CAPN9: variants seen among roughly 807,000 people sequenced by gnomAD.
CAPN9 encodes the protein calpain-9.
Under a neutral mutation model 92.8 loss-of-function variants are expected in CAPN9, and 81 were observed. The observed-to-expected ratio is 0.87, with a 90% CI of 0.73 to 1.05. The LOEUF is 1.05. Ranked by LOEUF, CAPN9 falls within the 50% of genes least tolerant of loss-of-function variation. The pLI, the probability that CAPN9 is intolerant of heterozygous loss-of-function variation, is 0.00. For synonymous variants in CAPN9, 304 were observed against 328.0 expected (o/e 0.93, Z 0.79); for missense variants, 848 against 866.2 (o/e 0.98, Z 0.26).
At chr1:230,786,117 A>T (rs1332368502) in intron 12 of CAPN9, 100 bp downstream of exon 12, 2 of 1,604,450 alleles carry the variant, frequency 1.2e-6, no homozygotes, top group African/African-American at 2.7e-5. Context: ...CAGTTCAGGG[A>T]TGGTTACATG....
At chr1:230,750,399 G>A (rs1465243177) in intron 1 of CAPN9, among the ~76,000 whole-genome samples, 5 of 152,118 alleles carry the variant, frequency 3.3e-5, no homozygotes, top group South Asian at 4.1e-4. Flanking sequence ...CTTTGGTCTG[G>A]TCCTCATTCT....
intron 12 of CAPN9, among the ~76,000 whole-genome samples, chr1:230,786,422 A>G (rs983098046): frequency 2.6e-5 from 4 of 152,264 alleles, no homozygotes; most frequent in Admixed American, 6.5e-5. Flanking sequence ...TTTTTAAAGA[A>G]AAAATGAGAA....
intron 8 of CAPN9, among the ~76,000 whole-genome samples, chr1:230,777,195 T>G (rs7540654): frequency 0.15 from 23,527 of 152,150 alleles, 2,028 homozygotes; most frequent in South Asian, 0.28. Flanking sequence ...AAAGAAGGTC[T>G]GGTGCAGACG....
Position 230,801,751 on chromosome 1 carries a change from T to C in CAPN9, c.*155T>C, listed in dbSNP as rs1668739005. The C allele has an allele frequency of 1.4e-6, 1 of 737,250 alleles. No homozygotes were observed. The highest frequency in any genetic ancestry group is 2.4e-6 in the Non-Finnish European group (1 of 410,928). 45.7% of individuals were successfully genotyped at this position (737,250 alleles called of 1,614,324 possible). A position where few individuals can be genotyped will look rare whatever the true frequency, so the allele number is the denominator to read the frequency against. On this transcript the variant is annotated 3_prime_UTR_variant, in exon 20 of 20. Coordinates refer to ENST00000271971, the MANE Select transcript of CAPN9 (RefSeq NM_006615.3). Reference sequence around the variant, plus strand: ...TCATCTTGATCTGGGAAGAATGAAATGAACTCAGCTACACTCTCTGATTTT... The same window carrying C: ...TCATCTTGATCTGGGAAGAATGAAACGAACTCAGCTACACTCTCTGATTTT...
In CAPN9 at chr1:230,785,982, G is replaced by C. The variant is rs771333487; in HGVS notation, c.1483G>C (p.Asp495His). Residue 495 changes from aspartate to histidine, a missense_variant and splice_region_variant, in exon 12 of 20, where the codon GAT becomes CAT. Asp to His is a moderately conservative substitution (Grantham distance 81). Coordinates refer to ENST00000271971, the MANE Select transcript of CAPN9 (RefSeq NM_006615.3). ...CAGTGTGTTTTTCTGCCCCTACAGG[G>C]ATATGGATGGAAATGTAGACATTGA... Reference protein sequence around the residue: ...IFSEKKAITRDMDGNVDIDLP... With the variant: ...IFSEKKAITRHMDGNVDIDLP... 5.1e-5 allele frequency: 82 copies of C among 1,613,890 alleles called. No homozygotes were observed. Among genetic ancestry groups the C allele is most frequent in the Non-Finnish European group, 6.8e-5 (80 of 1,179,864 alleles).
At chr1:230,774,739 CTTT>C (rs747512464) in intron 8 of CAPN9, 108 bp downstream of exon 8, 16,101 of 377,666 alleles carry the variant, frequency 0.043, 208 homozygotes, top group African/African-American at 0.13. Context: ...TTCTTTCTTT[CTTT>C]TTTTTTTTTT....
chr1:230,789,606 C>T (rs1289709810), intron 13 of CAPN9, among the ~76,000 whole-genome samples: 1 of 151,052 alleles, frequency 6.6e-6, no homozygotes, highest in Non-Finnish European at 1.5e-5. Flanking sequence ...TTCTGAAATT[C>T]ACCCTTATTC....
intron 12 of CAPN9, among the ~76,000 whole-genome samples, chr1:230,787,291 T>C (rs1040727793): frequency 6.6e-6 from 1 of 152,186 alleles, no homozygotes; most frequent in African/African-American, 2.4e-5. Context: ...CCTCCTCGTC[T>C]GTAAGGCAGA....
intron 8 of CAPN9, 56 bp downstream of exon 8, chr1:230,774,687 G>A (rs1666623213): frequency 1.7e-6 from 2 of 1,148,680 alleles, no homozygotes; most frequent in Non-Finnish European, 2.6e-6. Context: ...ATGGCCCTGG[G>A]GCGTAAGGAG....
intron 7 of CAPN9, among the ~76,000 whole-genome samples, chr1:230,774,022 C>T (rs1008757714): frequency 5.9e-5 from 9 of 152,196 alleles, no homozygotes; most frequent in African/African-American, 9.7e-5. Context: ...ATCTGCAGGA[C>T]GGGCACACCT....
intron 1 of CAPN9, 106 bp downstream of exon 1, chr1:230,747,815 C>A: frequency 1.1e-6 from 1 of 919,088 alleles, no homozygotes; most frequent in Non-Finnish European, 1.7e-6. Context: ...ACGCTCAGTG[C>A]AACTGAGGTG....
Position 230,769,186 on chromosome 1 carries a change from A to T in CAPN9, c.712A>T (p.Ser238Cys). The T allele has an allele frequency of 6.2e-7, 1 of 1,613,800 alleles. No individual in the cohort carries two copies. Among genetic ancestry groups the T allele is most frequent in the South Asian group, 1.1e-5 (1 of 91,064 alleles). ...SLLGCFIDTR[S>C]AAESEARTPF... Reference sequence around the variant, plus strand: ...TGCTCTTTCCATGTTTTAGACCAGAAGTGCTGCAGAATCTGAGGCCCGGAC... The same window carrying T: ...TGCTCTTTCCATGTTTTAGACCAGATGTGCTGCAGAATCTGAGGCCCGGAC... Residue 238 changes from serine to cysteine, a missense_variant, in exon 6 of 20, where the codon AGT (serine) becomes TGT (cysteine). Physicochemically the swap from Ser to Cys is moderately radical, Grantham distance 112 (BLOSUM62 -1). Transcript: ENST00000271971.
At chr1:230,800,997 G>A (rs1356201134) in intron 19 of CAPN9, among the ~76,000 whole-genome samples, 1 of 152,110 alleles carries the variant, frequency 6.6e-6, no homozygotes, top group African/African-American at 2.4e-5. Context: ...ACAGAGAAGG[G>A]AGAAAAAAAC....
In CAPN9 at chr1:230,774,763, C is replaced by T. The variant is rs540986376; in HGVS notation, c.953+132C>T. 338 of 591,356 alleles carry T rather than the reference C, an allele frequency of 5.7e-4. 3 individuals carry two copies. The East Asian group carries it at 8.2e-3, about 14-fold the overall frequency. 36.6% of individuals were successfully genotyped at this position (591,356 alleles called of 1,614,324 possible). On this transcript the variant is annotated intron_variant, in intron 8 of 19. Coordinates refer to ENST00000271971, the MANE Select transcript of CAPN9 (RefSeq NM_006615.3). The stretch of plus-strand genomic sequence containing the variant: ...TCTTTTTTTTTTTTTTTTTTTGAGA[C>T]GGAGTTTTGTTCTTATTGCCCAGGC...
At position 230,755,406 on chromosome 1, in the gene CAPN9, G is replaced by C. The variant is rs578209556; in HGVS notation, c.283G>C (p.Gly95Arg). ...TRTDICQGEL[G>R]DCWLLAAIAS... ...GACTGATATCTGCCAGGGAGAGCTG[G>C]GTGAGTGTAAGTGGATGGAGCATGG... Residue 95 changes from glycine (G) to arginine (R), a missense_variant and splice_region_variant, in exon 2 of 20, where the codon GGA becomes CGA. Transcript: ENST00000271971. 3.1e-6 allele frequency: 5 copies of C among 1,605,104 alleles called. No homozygotes were observed. Among genetic ancestry groups the C allele is most frequent in the Non-Finnish European group, 4.3e-6 (5 of 1,176,210 alleles).
chr1:230,800,220 T>A (rs769806638), intron 19 of CAPN9, among the ~76,000 whole-genome samples: 258 of 23,096 alleles, frequency 0.011, 13 homozygotes, highest in African/African-American at 0.032. Flanking sequence ...GAAAGAAAAA[T>A]AAGAAAGAAA....
chr1:230,789,189 G>A (rs978107077), intron 13 of CAPN9, among the ~76,000 whole-genome samples: 4 of 152,018 alleles, frequency 2.6e-5, no homozygotes, highest in African/African-American at 7.2e-5. Context: ...CTAAAATGAG[G>A]TCTATGTCAG....
Position 230,792,466 on chromosome 1 carries a change from T to G in CAPN9, c.1763T>G (p.Val588Gly), listed in dbSNP as rs1668060738. ...AAGCTGGAGTTTGATGAATTCAAAG[T>G]GTTCTGGGACAAGCTGAAGCAGTGG... The part of the protein sequence containing the change: ...NGKLEFDEFK[V>G]FWDKLKQWIN... Residue 588 changes from valine (V) to glycine (G), a missense_variant, in exon 16 of 20, where the codon GTG becomes GGG. Transcript: ENST00000271971. 1 of 1,614,086 alleles carries G rather than the reference T, an allele frequency of 6.2e-7. No individual in the cohort carries two copies. The highest frequency in any genetic ancestry group is 8.5e-7 in the Non-Finnish European group (1 of 1,179,966).
At chr1:230,762,928 C>A in intron 4 of CAPN9, 142 bp downstream of exon 4, 1 of 852,066 alleles carries the variant, frequency 1.2e-6, no homozygotes, top group Non-Finnish European at 1.7e-6. Flanking sequence ...CCTCTCAGGG[C>A]TCAAGCGGGG....
Sources: allele counts gnomAD v4.1 joint callset (sites outside exome capture counted in the v4.1 genomes callset), GRCh38; gene constraint gnomAD v4.1.1; transcripts MANE v1.5; gene names NCBI Gene and HGNC (gene_info 2026-07-23, HGNC 2026-07-21).